MORN3: variants seen among roughly 807,000 people sequenced by gnomAD.
MORN3 encodes the protein MORN repeat containing 3, also known as MORN repeat-containing protein 3.
A neutral mutation model predicts 34.7 loss-of-function variants in MORN3; 38 were observed. The observed-to-expected ratio is 1.10, with a 90% CI of 0.85 to 1.44. MORN3 has a LOEUF of 1.44. MORN3 is among the 40% of genes most tolerant of loss of function. The probability of loss-of-function intolerance (pLI) is 0.00; values close to 1 mark genes in which losing one functional copy is unlikely to be tolerated. For missense variants in MORN3, 311 were observed against 321.7 expected (o/e 0.97, Z 0.25); for synonymous variants, 109 against 115.3 (o/e 0.95, Z 0.35).
At chr12:121,655,569 A>C (rs1310618025) in intron 2 of MORN3, among the ~76,000 whole-genome samples, 1 of 151,100 alleles carries the variant, frequency 6.6e-6, no homozygotes, top group African/African-American at 2.4e-5. Flanking sequence ...AAATTAGCTG[A>C]GTGTGGTGGT....
At chr12:121,668,714 T>C (rs1420383471) in intron 1 of MORN3, among the ~76,000 whole-genome samples, 1 of 151,904 alleles carries the variant, frequency 6.6e-6, no homozygotes, top group Non-Finnish European at 1.5e-5. Flanking sequence ...AGCAAGACCT[T>C]GTCCCCTCAA....
At chr12:121,658,736 C>G (rs906769429) in intron 2 of MORN3, among the ~76,000 whole-genome samples, 1 of 152,086 alleles carries the variant, frequency 6.6e-6, no homozygotes, top group Non-Finnish European at 1.5e-5. Context: ...TGTTTCCGGG[C>G]TGAGCACGCG....
intron 2 of MORN3, among the ~76,000 whole-genome samples, 154 bp downstream of exon 2, chr12:121,659,037 T>C (rs1382049567): frequency 2.0e-5 from 3 of 151,354 alleles, no homozygotes; most frequent in Non-Finnish European, 4.4e-5. Flanking sequence ...CCCCCACCCC[T>C]TCCTTCTCCC....
At position 121,651,329 on chromosome 12, in the gene MORN3, A is replaced by C. The variant is rs1193019171; in HGVS notation, c.*322T>G. The stretch of plus-strand genomic sequence containing the variant: ...CCAAGGCAGGTCTTCCCTCTTCTAA[A>C]CCTGAAAGCCCTGCTGAGCCCCCTC... On this transcript the variant is annotated 3_prime_UTR_variant, in exon 6 of 6. Transcript: ENST00000355329. 1 of 151,970 alleles carries C rather than the reference A, an allele frequency of 6.6e-6. No homozygotes were observed. The highest frequency in any genetic ancestry group is 1.9e-4 in the East Asian group (1 of 5,188). 9.4% of individuals were successfully genotyped at this position (151,970 alleles called of 1,614,324 possible).
At chr12:121,665,764 CAAA>C (rs59071462) in intron 1 of MORN3, among the ~76,000 whole-genome samples, 1 of 50,576 alleles carries the variant, frequency 2.0e-5, no homozygotes, top group Non-Finnish European at 3.9e-5. Context: ...GACTCTGTCT[CAAA>C]AAAAAAAAAA....
Position 121,652,777 on chromosome 12 carries a change from G to A in MORN3, c.680C>T (p.Ala227Val), listed in dbSNP as rs781941555. Residue 227 changes from alanine (A) to valine (V), a missense_variant, in exon 5 of 6, where the codon GCG (alanine) becomes GTG (valine). By Grantham distance (64) the Ala-to-Val change is moderately conservative. Transcript: ENST00000355329. ...CTTCCTGAACATGGCCAAGGCCTCC[G>A]CCAGCACACCATCAGGGTCTAGGAT... ...VKILDPDGVL[A>V]EALAMFRKTE... 2.1e-5 allele frequency: 34 copies of A among 1,614,074 alleles called. No homozygotes were observed. The highest frequency in any genetic ancestry group is 6.7e-5 in the Admixed American group (4 of 59,996).
rs542367758 is a variant in MORN3, at chr12:121,649,273, C to T, written c.*2378G>A. ...CCACTTTTTCTTTAAAAATGGTAAC[C>T]CTTTACACTCTTCTGCACATTAAGA... On this transcript the variant is annotated 3_prime_UTR_variant, in exon 6 of 6. Coordinates refer to ENST00000355329, the MANE Select transcript of MORN3 (RefSeq NM_173855.5). 1 of 150,990 alleles carries T rather than the reference C, an allele frequency of 6.6e-6. No homozygotes were observed. The highest frequency in any genetic ancestry group is 2.5e-5 in the African/African-American group (1 of 40,330). The allele number at this position is 150,990 out of a possible 1,614,324, so 9.4% of individuals were successfully genotyped here. A position where few individuals can be genotyped will look rare whatever the true frequency, so the allele number is the denominator to read the frequency against.
At chr12:121,663,762 T>G (rs1893656846) in intron 1 of MORN3, among the ~76,000 whole-genome samples, 1 of 151,914 alleles carries the variant, frequency 6.6e-6, no homozygotes, top group African/African-American at 2.4e-5. Flanking sequence ...TTTTTTTATT[T>G]TTTTATTTTT....
At chr12:121,664,731 G>T (rs1251834088) in intron 1 of MORN3, among the ~76,000 whole-genome samples, 2 of 152,088 alleles carry the variant, frequency 1.3e-5, no homozygotes, top group Non-Finnish European at 2.9e-5. Context: ...GGCCTGCTAG[G>T]GGGGCGGAGT....
At chr12:121,661,892 AGAGGGAGG>A (rs1166077144) in intron 1 of MORN3, among the ~76,000 whole-genome samples, 1 of 149,744 alleles carries the variant, frequency 6.7e-6, no homozygotes, top group Non-Finnish European at 1.5e-5. Context: ...AGAGAAGGAG[AGAGGGAGG>A]GAGGAAGGGA....
chr12:121,662,879 G>A (rs1002048497), intron 1 of MORN3, among the ~76,000 whole-genome samples: 4 of 151,956 alleles, frequency 2.6e-5, no homozygotes, highest in Non-Finnish European at 5.9e-5. Flanking sequence ...CCAGCTACTT[G>A]GGAGGTTGGA....
chr12:121,659,084 TCC>T, intron 2 of MORN3, 105 bp downstream of exon 2: 1 of 1,409,582 alleles, frequency 7.1e-7, no homozygotes, highest in Non-Finnish European at 9.6e-7. Context: ...CCTGTAGACC[TCC>T]CCTCTCTTTT....
intron 1 of MORN3, among the ~76,000 whole-genome samples, chr12:121,659,782 G>A (rs565462737): frequency 6.6e-6 from 1 of 151,886 alleles, no homozygotes; most frequent in South Asian, 2.1e-4. Flanking sequence ...TGCCCACCTC[G>A]GTCTCCCAAA....
chr12:121,668,722 CAA>C (rs537738625), intron 1 of MORN3, among the ~76,000 whole-genome samples: 2 of 149,700 alleles, frequency 1.3e-5, no homozygotes, highest in East Asian at 1.9e-4. Context: ...CTTGTCCCCT[CAA>C]AAAAAAAGAG....
intron 2 of MORN3, among the ~76,000 whole-genome samples, chr12:121,658,950 G>T (rs191129375): frequency 1.3e-5 from 2 of 152,122 alleles, no homozygotes; most frequent in African/African-American, 2.4e-5. Flanking sequence ...CCTCGCAACC[G>T]CAGGGTTTCG....
chr12:121,654,169 A>C, intron 3 of MORN3, 105 bp downstream of exon 3: 1 of 905,082 alleles, frequency 1.1e-6, no homozygotes, highest in Admixed American at 2.8e-5. Context: ...AGTGTGGGAC[A>C]AGAGTGTGGG....
intron 2 of MORN3, among the ~76,000 whole-genome samples, chr12:121,655,044 G>T (rs1893376303): frequency 6.6e-6 from 1 of 152,042 alleles, no homozygotes; most frequent in South Asian, 2.1e-4. Flanking sequence ...AGCCCCTACA[G>T]CGCCGGAGGA....
In MORN3 at chr12:121,652,758, G is replaced by C. The variant is rs967504097; in HGVS notation, c.699C>G (p.Phe233Leu). ...DGVLAEALAM[F>L]RKTEEGD ...ATCAATCTCCTTCCTCTGTCTTCCT[G>C]AACATGGCCAAGGCCTCCGCCAGCA... The change falls in exon 5 of 6, where the codon TTC becomes TTG. Residue 233 changes from phenylalanine to leucine, a missense_variant. By Grantham distance (22) the Phe-to-Leu change is conservative. Coordinates refer to ENST00000355329, the MANE Select transcript of MORN3 (RefSeq NM_173855.5). 6.8e-6 allele frequency: 11 copies of C among 1,614,200 alleles called. No homozygotes were observed. Among genetic ancestry groups the C allele is most frequent in the Non-Finnish European group, 5.9e-6 (7 of 1,180,036 alleles).
chr12:121,653,033 C>T, intron 4 of MORN3, 42 bp downstream of exon 4: 3 of 1,554,442 alleles, frequency 1.9e-6, no homozygotes, highest in Middle Eastern at 1.7e-4. Context: ...GCTTCTGTCT[C>T]TGTCTGGGTG....
Sources: gnomAD v4.1 joint callset for allele counts (sites outside exome capture counted in the v4.1 genomes callset) on GRCh38, gnomAD v4.1.1 for gene constraint, MANE v1.5 for transcripts, NCBI Gene and HGNC (gene_info 2026-07-23, HGNC 2026-07-21) for gene names.